The following TSPAN11 variants were observed in gnomAD, a reference collection of about 807,000 sequenced individuals.
TSPAN11 encodes the protein tetraspanin-11.
A neutral mutation model predicts 32.9 loss-of-function variants in TSPAN11; 29 were observed. That is an observed-to-expected ratio of 0.88 (90% CI 0.66 to 1.20). The LOEUF (loss-of-function observed/expected upper bound fraction) is 1.20. Among genes scored for constraint, TSPAN11 ranks in the 50% most tolerant of loss-of-function variants. The probability of loss-of-function intolerance (pLI) is 0.00; values close to 1 mark genes in which losing one functional copy is unlikely to be tolerated. For missense variants in TSPAN11, 283 were observed against 329.1 expected (o/e 0.86, Z 1.08); for synonymous variants, 140 against 141.3 (o/e 0.99, Z 0.07).
chr12:30,968,385 A>G (rs191648423), intron 3 of TSPAN11, among the ~76,000 whole-genome samples: 1 of 152,252 alleles, frequency 6.6e-6, no homozygotes, highest in Non-Finnish European at 1.5e-5. Context: ...AGCTCCTCAA[A>G]GTCACTTTCC....
rs1026279385 is a variant in TSPAN11, at chr12:30,944,115, T to A, written c.-11-9866T>A. 7.9e-5 allele frequency among the ~76,000 whole-genome samples: 12 copies of A among 152,062 alleles called. No homozygotes were observed. The South Asian group carries it at 8.3e-4, about 11-fold the overall frequency. On this transcript the variant is annotated intron_variant, in intron 1 of 7. Coordinates refer to ENST00000546076, the MANE Select transcript of TSPAN11 (RefSeq NM_001370302.1). ...TTTGTGGAGAGTTTTCTTTTTTTTT[T>A]AAATGACAGATAAAACTGTATGTAT...
At chr12:30,944,971 A>G (rs1449974426) in intron 1 of TSPAN11, among the ~76,000 whole-genome samples, 1 of 152,170 alleles carries the variant, frequency 6.6e-6, no homozygotes, top group East Asian at 1.9e-4. Flanking sequence ...GAAAGTCACA[A>G]CTAAGTGAGG....
At chr12:30,977,588 C>T (rs550758297) in intron 3 of TSPAN11, among the ~76,000 whole-genome samples, 14 of 152,272 alleles carry the variant, frequency 9.2e-5, no homozygotes, top group South Asian at 2.1e-4. Flanking sequence ...CTGTGAGCTC[C>T]GTGGCTGCCT....
At chr12:30,979,957 G>T (rs56047913) in intron 5 of TSPAN11, among the ~76,000 whole-genome samples, 6,086 of 152,260 alleles carry the variant, frequency 0.04, 422 homozygotes, top group African/African-American at 0.14. Flanking sequence ...GGCCTCTGTG[G>T]CCAGGAAGCC....
intron 1 of TSPAN11, among the ~76,000 whole-genome samples, chr12:30,940,646 T>C (rs1267352684): frequency 6.6e-6 from 1 of 152,318 alleles, no homozygotes; most frequent in African/African-American, 2.4e-5. Context: ...TATGTGCAGG[T>C]GTAAACCAGA....
At chr12:30,966,053 T>C (rs1451880709) in intron 3 of TSPAN11, among the ~76,000 whole-genome samples, 1 of 151,948 alleles carries the variant, frequency 6.6e-6, no homozygotes, top group Non-Finnish European at 1.5e-5. Flanking sequence ...CAGCTGTCGT[T>C]ACTGTGTTTT....
downstream of TSPAN11, among the ~76,000 whole-genome samples, chr12:30,998,060 G>A (rs974308264): frequency 2.6e-5 from 4 of 152,256 alleles, no homozygotes; most frequent in Non-Finnish European, 5.9e-5. Flanking sequence ...TCCCACTGGA[G>A]TGAGTTGCCT....
At chr12:30,978,275 G>A (rs1939014855) in intron 3 of TSPAN11, 1 of 407,442 alleles carries the variant, frequency 2.5e-6, no homozygotes, top group African/African-American at 2.0e-5. Context: ...ATAACTTTGA[G>A]AGCAATAGTT....
the TSPAN11 span, among the ~76,000 whole-genome samples, chr12:31,016,238 G>T: frequency 6.6e-6 from 1 of 152,212 alleles, no homozygotes; most frequent in Non-Finnish European, 1.5e-5. Context: ...TGGCCGCCAG[G>T]GATGGGGACG....
At chr12:30,991,786 G>C (rs933522438) in intron 7 of TSPAN11, 70 bp from the exon 8 acceptor site, 1 of 1,553,456 alleles carries the variant, frequency 6.4e-7, no homozygotes, top group Non-Finnish European at 8.9e-7. Flanking sequence ...CACTGCTCCA[G>C]GGCCCTGAGG....
At chr12:30,960,009 G>T (rs1457769776) in intron 2 of TSPAN11, among the ~76,000 whole-genome samples, 1 of 150,404 alleles carries the variant, frequency 6.6e-6, no homozygotes, top group Non-Finnish European at 1.5e-5. Context: ...CTGAGGTGGG[G>T]AACCGAGGTG....
At chr12:30,949,549 G>A (rs989473622) in intron 1 of TSPAN11, among the ~76,000 whole-genome samples, 13 of 152,266 alleles carry the variant, frequency 8.5e-5, no homozygotes, top group African/African-American at 2.2e-4. Context: ...AGAATAGTAC[G>A]TGAGAATAGT....
At chr12:31,015,131 C>T in the TSPAN11 span, among the ~76,000 whole-genome samples, 8 of 152,222 alleles carry the variant, frequency 5.3e-5, no homozygotes, top group Non-Finnish European at 1.2e-4. The surrounding 1 kb of genome is among the most constrained non-coding windows in gnomAD (Gnocchi z 4.9). Context: ...CATCCATGTT[C>T]ATCAAGATCT....
At chr12:30,960,676 A>G (rs4931392) in intron 2 of TSPAN11, among the ~76,000 whole-genome samples, 107,886 of 151,798 alleles carry the variant, frequency 0.71, 39,483 homozygotes, top group Non-Finnish European at 0.78. Context: ...GCCAGCTTGC[A>G]TCCTTGTCGC....
rs777669603 is a variant in TSPAN11 at position 30,982,573 on chromosome 12, C to A, written c.498C>A (p.His166Gln). The A allele has an allele frequency of 1.2e-6, 2 of 1,612,740 alleles. No individual in the cohort carries two copies. The highest frequency in any genetic ancestry group is 1.7e-6 in the Non-Finnish European group (2 of 1,179,546). Residue 166 changes from histidine to glutamine, a missense_variant, in exon 6 of 8, where the codon CAC (histidine) becomes CAA (glutamine). His to Gln is a conservative substitution (Grantham distance 24). Transcript: ENST00000546076. ...GCAACAGCTCAGCCGACTGGCAGCA[C>A]AGCACGTACATCCTGTTGCGGGAGG... ...CGSNSSADWQ[H>Q]STYILLREAE... is the part of the protein sequence containing the mutation.
intron 5 of TSPAN11, among the ~76,000 whole-genome samples, chr12:30,979,946 G>A (rs933235816): frequency 6.6e-6 from 1 of 152,162 alleles, no homozygotes; most frequent in African/African-American, 2.4e-5. Context: ...TCCCGTTCTG[G>A]GGCCTCTGTG....
the TSPAN11 span, among the ~76,000 whole-genome samples, chr12:31,003,442 C>G: frequency 6.6e-6 from 1 of 152,148 alleles, no homozygotes; most frequent in Non-Finnish European, 1.5e-5. Context: ...GACAGATGAG[C>G]TGGGGGGTGG....
intron 5 of TSPAN11, among the ~76,000 whole-genome samples, chr12:30,980,192 TAAG>T (rs954573162): frequency 2.0e-5 from 3 of 152,214 alleles, no homozygotes; most frequent in African/African-American, 2.4e-5. Flanking sequence ...GGTTTTCTCC[TAAG>T]AAGACATGCA....
chr12:30,971,839 C>T (rs1027833951), intron 3 of TSPAN11, among the ~76,000 whole-genome samples: 4 of 89,570 alleles, frequency 4.5e-5, no homozygotes, highest in African/African-American at 6.3e-5. Context: ...TGCAAGGCCT[C>T]GTGTAAAAAA....
Sources: allele counts gnomAD v4.1 joint callset (sites outside exome capture counted in the v4.1 genomes callset), GRCh38; gene constraint gnomAD v4.1.1; non-coding constraint Gnocchi (gnomAD v3.1); transcripts MANE v1.5; gene names NCBI Gene and HGNC (gene_info 2026-07-23, HGNC 2026-07-21).